The following DZIP1L variants were observed in gnomAD, a reference collection of about 807,000 sequenced individuals.
DZIP1L encodes cilium assembly protein DZIP1L.
Under a neutral mutation model 88.7 loss-of-function variants are expected in DZIP1L, and 90 were observed. That is an observed-to-expected ratio of 1.02 (90% CI 0.86 to 1.21). The LOEUF is 1.21. DZIP1L is among the 50% of genes most tolerant of loss of function. The pLI, the probability that DZIP1L is intolerant of heterozygous loss-of-function variation, is 0.00. For missense variants in DZIP1L, 932 were observed against 955.8 expected (o/e 0.98, Z 0.33); for synonymous variants, 363 against 372.1 (o/e 0.98, Z 0.28).
intron 11 of DZIP1L, among the ~76,000 whole-genome samples, chr3:138,075,287 T>C (rs781267043): frequency 6.6e-6 from 1 of 152,130 alleles, no homozygotes; most frequent in Non-Finnish European, 1.5e-5. Flanking sequence ...ACTTAAACTA[T>C]AACCTAGAAC....
intron 1 of DZIP1L, chr3:138,108,141 GC>G (rs1265246738): frequency 4.2e-6 from 4 of 962,760 alleles, no homozygotes; most frequent in Non-Finnish European, 1.2e-6. Flanking sequence ...CCGCCACCAT[GC>G]CTGGCTAATT....
intron 2 of DZIP1L, chr3:138,102,379 C>T (rs2042347091): frequency 8.2e-7 from 1 of 1,215,692 alleles, no homozygotes. Context: ...ATCTCATCCT[C>T]ATACTTGTTC....
At chr3:138,091,120 A>G (rs1261814135) in intron 5 of DZIP1L, among the ~76,000 whole-genome samples, 1 of 151,494 alleles carries the variant, frequency 6.6e-6, no homozygotes, top group Non-Finnish European at 1.5e-5. Context: ...TTGGCCTCCC[A>G]AAGTGCTGGG....
At chr3:138,067,099 C>T (rs189098485) in intron 14 of DZIP1L, among the ~76,000 whole-genome samples, 3 of 152,132 alleles carry the variant, frequency 2.0e-5, no homozygotes, top group South Asian at 2.1e-4. Context: ...GCCTCAAGTG[C>T]GGGTTGTTCC....
At chr3:138,064,984 C>A (rs1398796085) in intron 14 of DZIP1L, among the ~76,000 whole-genome samples, 1 of 152,226 alleles carries the variant, frequency 6.6e-6, no homozygotes. Flanking sequence ...TGTGACTGTG[C>A]AAACTTAATG....
chr3:138,068,717 A>G (rs11925237), intron 12 of DZIP1L, among the ~76,000 whole-genome samples: 3,290 of 152,224 alleles, frequency 0.022, 119 homozygotes, highest in African/African-American at 0.075. Flanking sequence ...CCCACGCTAC[A>G]GCCGCTGCAC....
intron 1 of DZIP1L, among the ~76,000 whole-genome samples, chr3:138,114,441 C>T (rs1269985055): frequency 6.6e-6 from 1 of 152,062 alleles, no homozygotes; most frequent in Non-Finnish European, 1.5e-5. Context: ...GTCAGAAGGC[C>T]CCTTATCAGC....
intron 14 of DZIP1L, among the ~76,000 whole-genome samples, chr3:138,065,980 A>G (rs11719358): frequency 0.57 from 87,022 of 152,116 alleles, 27,446 homozygotes; most frequent in Non-Finnish European, 0.7. Flanking sequence ...TCCACTTACC[A>G]TGACAGTTAG....
At chr3:138,113,052 G>A (rs2107874948) in intron 1 of DZIP1L, among the ~76,000 whole-genome samples, 1 of 152,314 alleles carries the variant, frequency 6.6e-6, no homozygotes, top group East Asian at 1.9e-4. Flanking sequence ...CCCATTCCTA[G>A]ACCAATATTA....
intron 2 of DZIP1L, among the ~76,000 whole-genome samples, chr3:138,100,837 A>G (rs1234697697): frequency 1.3e-5 from 2 of 152,222 alleles, no homozygotes; most frequent in East Asian, 3.8e-4. Context: ...AATTTTTATT[A>G]AAGGGCAAAT....
rs1365273476 is a variant in DZIP1L, at chr3:138,113,651, G to A, written c.-82+1677C>T. Among the ~76,000 whole-genome samples the A allele has an allele frequency of 2.6e-5, 4 of 152,312 alleles. No individual in the cohort carries two copies. The East Asian group carries it at 7.7e-4, about 29-fold the overall frequency. On this transcript the variant is annotated intron_variant, in intron 1 of 15. Coordinates refer to ENST00000327532, the MANE Select transcript of DZIP1L (RefSeq NM_173543.3). Reference sequence around the variant, plus strand: ...CCTCAACAGAGATGACAGGGACCTGGGAGCTCTCCTGAAGTACTGCCACTG... The same window carrying A: ...CCTCAACAGAGATGACAGGGACCTGAGAGCTCTCCTGAAGTACTGCCACTG...
chr3:138,087,106 G>C (rs1943979094), intron 6 of DZIP1L, 83 bp from the exon 7 acceptor site: 2 of 1,309,646 alleles, frequency 1.5e-6, no homozygotes, highest in Non-Finnish European at 2.2e-6. Context: ...AAAAGTACTG[G>C]CTCATGGGTA....
intron 1 of DZIP1L, chr3:138,112,330 T>C (rs2042632046): frequency 6.6e-6 from 1 of 152,206 alleles, no homozygotes; most frequent in South Asian, 2.1e-4. Context: ...TATAATGATA[T>C]ACAAATTATT....
At position 138,103,861 on chromosome 3, in the gene DZIP1L, G is replaced by C. The variant is rs192805860; in HGVS notation, c.111C>G (p.Arg37=). 10 of 1,614,118 alleles carry C rather than the reference G, an allele frequency of 6.2e-6. No individual in the cohort carries two copies. The African/African-American group carries it at 8.0e-5, about 13-fold the overall frequency. ...CGCGGTCTACATCCAGGGTGCTAATGCGTCTCCAGTCCATGCTATCATGGC... is the reference window on the plus strand; with the variant it reads ...CGCGGTCTACATCCAGGGTGCTAATCCGTCTCCAGTCCATGCTATCATGGC... ...QPRHDSMDWR[R]ISTLDVDRVA... Residue 37 remains arginine, a synonymous_variant, in exon 2 of 16, where the codon CGC becomes CGG. Coordinates refer to ENST00000327532, the MANE Select transcript of DZIP1L (RefSeq NM_173543.3).
intron 1 of DZIP1L, among the ~76,000 whole-genome samples, chr3:138,109,002 G>C (rs1321731356): frequency 6.6e-6 from 1 of 152,152 alleles, no homozygotes; most frequent in Admixed American, 6.5e-5. Flanking sequence ...GAAACATTAG[G>C]GATTGTGGCA....
rs563575368 is a variant in DZIP1L, at chr3:138,067,697, C to A, written c.1836G>T (p.Thr612=). The A allele has an allele frequency of 1.2e-5, 19 of 1,547,038 alleles. No homozygotes were observed. Among genetic ancestry groups the A allele is most frequent in the Non-Finnish European group, 1.7e-5 (19 of 1,148,906 alleles). The stretch of plus-strand genomic sequence containing the variant: ...AGTCCTCTTCAGAACTGAACGGGGG[C>A]GTGCTGCCACGAGGAGGAGAAGAAA... ...TPPSSGPGMS[T]PPFSSEEDSE... is the part of the protein sequence containing the mutation. The change falls in exon 14 of 16, where the codon ACG becomes ACT. Residue 612 remains threonine, a synonymous_variant. Transcript: ENST00000327532.
rs1403844764 is a variant in DZIP1L, at chr3:138,071,724, GC to G, written c.1533del (p.Lys511AsnfsTer74). ...GCTCTGCTGGTGACTTCCTTGACAA[GC>G]TTTCCCCTCAGACTCAGAAATTCAG... ...KFSEFLSLRG[K>X]LVKEVTSRAK... On this transcript the variant is annotated frameshift_variant, in exon 12 of 16. Coordinates refer to ENST00000327532, the MANE Select transcript of DZIP1L (RefSeq NM_173543.3). LOFTEE classifies it high-confidence loss of function. 6.2e-7 allele frequency: 1 copy of G among 1,614,092 alleles called. No individual in the cohort carries two copies. The highest frequency in any genetic ancestry group is 8.5e-7 in the Non-Finnish European group (1 of 1,180,048).
intron 11 of DZIP1L, among the ~76,000 whole-genome samples, chr3:138,075,172 G>A (rs955576251): frequency 3.3e-4 from 51 of 152,240 alleles, no homozygotes; most frequent in South Asian, 1.2e-3. Flanking sequence ...CTACTAGACC[G>A]AAGAAATGAG....
At chr3:138,102,008 T>A (rs1393328952) in intron 2 of DZIP1L, 1 of 1,504,876 alleles carries the variant, frequency 6.6e-7, no homozygotes, top group African/African-American at 1.4e-5. Context: ...TCTCAGTCTT[T>A]GTATGCTGCA....
Sources: gnomAD v4.1 joint callset for allele counts (sites outside exome capture counted in the v4.1 genomes callset) on GRCh38, gnomAD v4.1.1 for gene constraint, MANE v1.5 for transcripts, NCBI Gene and HGNC (gene_info 2026-07-23, HGNC 2026-07-21) for gene names.